The following NLRC4 variants were observed in gnomAD, a reference collection of about 807,000 sequenced individuals.
The protein encoded by NLRC4 is NLR family CARD domain-containing protein 4.
In NLRC4, 63 loss-of-function variants were observed where a neutral mutation model predicts 79.9. The observed-to-expected ratio is 0.79, with a 90% CI of 0.64 to 0.97. The LOEUF (loss-of-function observed/expected upper bound fraction) is 0.97, where lower values mean the gene tolerates loss of function less well. NLRC4 is among the 50% of genes least tolerant of loss of function. The probability of loss-of-function intolerance (pLI) is 0.00; values close to 1 mark genes in which losing one functional copy is unlikely to be tolerated. For missense variants in NLRC4, 1,074 were observed against 1,215.2 expected (o/e 0.88, Z 1.73); for synonymous variants, 461 against 456.5 (o/e 1.01, Z -0.12).
chr2:32,241,796 A>G (rs1686810719), intron 4 of NLRC4, among the ~76,000 whole-genome samples: 1 of 152,186 alleles, frequency 6.6e-6, no homozygotes, highest in African/African-American at 2.4e-5. Context: ...AAAAATAAAA[A>G]CAAAACTTCA....
intron 5 of NLRC4, among the ~76,000 whole-genome samples, chr2:32,240,200 C>T (rs1483883165): frequency 1.3e-5 from 2 of 151,976 alleles, no homozygotes; most frequent in Admixed American, 6.6e-5. Flanking sequence ...AGGCTGGTCT[C>T]GAACTCCTGA....
chr2:32,240,541 C>A (rs960469178), intron 5 of NLRC4, among the ~76,000 whole-genome samples: 2 of 151,944 alleles, frequency 1.3e-5, no homozygotes, highest in Admixed American at 1.3e-4. Context: ...CCTGAAGTTT[C>A]CTTTTCCTTT....
In NLRC4 at chr2:32,234,163, C is replaced by T. The variant is rs749088426; in HGVS notation, c.2782+1238G>A. Among the ~76,000 whole-genome samples, 8 of 152,094 alleles carry T rather than the reference C, an allele frequency of 5.3e-5. No individual in the cohort carries two copies. In the East Asian group the frequency reaches 1.4e-3, roughly 26 times the overall value. ...TTGGGAGGCCAGGGCAGGCGGATCA[C>T]GAGGTCAAGAGTTCAAGACCATTCT... On this transcript the variant is annotated intron_variant, in intron 8 of 8. Transcript: ENST00000402280.
chr2:32,253,253 A>C (rs1687125776), intron 2 of NLRC4, among the ~76,000 whole-genome samples: 2 of 151,416 alleles, frequency 1.3e-5, no homozygotes, highest in African/African-American at 4.8e-5. Context: ...GGGTTCAAGC[A>C]ATTCTCCTGC....
intron 2 of NLRC4, 132 bp downstream of exon 2, chr2:32,256,643 A>G: frequency 1.5e-6 from 1 of 675,586 alleles, no homozygotes; most frequent in Admixed American, 2.4e-5. Context: ...TCCTAAAACA[A>G]CAGAAGAATA....
At position 32,250,441 on chromosome 2, in the gene NLRC4, G is replaced by C. The variant is rs2148942272; in HGVS notation, c.1423C>G (p.Gln475Glu). ...ATGTCCGAAATGGAAACCATTTTCTGCAAGTAACCATTCCCCTTGGTCACC... is the reference window on the plus strand; with the variant it reads ...ATGTCCGAAATGGAAACCATTTTCTCCAAGTAACCATTCCCCTTGGTCACC... ...EEVTKGNGYL[Q>E]KMVSISDITS... The change falls in exon 4 of 9, where the codon CAG (glutamine) becomes GAG (glutamate). Residue 475 changes from glutamine (Q) to glutamate (E), a missense_variant. By Grantham distance (29) the Gln-to-Glu change is conservative (BLOSUM62 2). Coordinates refer to ENST00000402280, the MANE Select transcript of NLRC4 (RefSeq NM_001199138.2). The surrounding 1 kb of genome is among the most constrained non-coding windows in gnomAD (Gnocchi z 4.9). 4 of 1,614,158 alleles carry C rather than the reference G, an allele frequency of 2.5e-6. No homozygotes were observed. Among genetic ancestry groups the C allele is most frequent in the Non-Finnish European group, 3.4e-6 (4 of 1,180,032 alleles).
chr2:32,251,702 A>G (rs1396164165), intron 3 of NLRC4, 101 bp from the exon 4 acceptor site: 4 of 772,632 alleles, frequency 5.2e-6, no homozygotes, highest in Admixed American at 2.4e-5. Flanking sequence ...AGAATCTGCC[A>G]TTGGTGAATG....
intron 4 of NLRC4, among the ~76,000 whole-genome samples, chr2:32,249,065 G>A (rs1452165981): frequency 6.6e-6 from 1 of 152,144 alleles, no homozygotes; most frequent in East Asian, 1.9e-4. Flanking sequence ...TTTGTGCTCT[G>A]AAAAGAACTT....
At chr2:32,232,369 C>T (rs919666420) in intron 8 of NLRC4, among the ~76,000 whole-genome samples, 4 of 152,172 alleles carry the variant, frequency 2.6e-5, no homozygotes, top group Non-Finnish European at 5.9e-5. Context: ...AGTTTTTCCC[C>T]AGTATCCTAA....
chr2:32,234,867 T>A (rs62134030), intron 8 of NLRC4, among the ~76,000 whole-genome samples: 1,856 of 152,326 alleles, frequency 0.012, 21 homozygotes, highest in Non-Finnish European at 0.018. Flanking sequence ...GCCATTATGT[T>A]TTGAGGCCAT....
chr2:32,238,052 GACATTT>G, intron 6 of NLRC4, 74 bp downstream of exon 6: 1 of 950,966 alleles, frequency 1.1e-6, no homozygotes, highest in Non-Finnish European at 1.5e-6. Flanking sequence ...TTCCATTTGA[GACATTT>G]AGTGTGAATT....
Position 32,252,495 on chromosome 2 carries a change from A to G in NLRC4, c.186T>C (p.Gly62=), listed in dbSNP as rs748260149. Residue 62 remains glycine (G), a synonymous_variant, in exon 3 of 9, where the codon GGT becomes GGC. Coordinates refer to ENST00000402280, the MANE Select transcript of NLRC4 (RefSeq NM_001199138.2). ...RGIIHMILKK[G]SESCNLFLKS... is the part of the protein sequence containing the mutation. ...TAAGAAAGAGGTTACAGGACTCTGAACCCTTTTTCAAAATCATGTGAATGA... is the reference window on the plus strand; with the variant it reads ...TAAGAAAGAGGTTACAGGACTCTGAGCCCTTTTTCAAAATCATGTGAATGA... 66 of 1,613,346 alleles carry G rather than the reference A, an allele frequency of 4.1e-5. No homozygotes were observed. The highest frequency in any genetic ancestry group is 5.3e-5 in the Non-Finnish European group (63 of 1,179,412).
chr2:32,231,992 C>A (rs967473348), intron 8 of NLRC4, among the ~76,000 whole-genome samples: 3 of 152,086 alleles, frequency 2.0e-5, no homozygotes, highest in African/African-American at 7.2e-5. Flanking sequence ...TTTTTATTTC[C>A]TTGACAGTTT....
In NLRC4 at chr2:32,235,522, G is replaced by A; in HGVS notation, c.2661C>T (p.Pro887=). ...VLEQLTALML[P]WGCDVQGSLS... ...GGCTGCCTTGCACGTCACAGCCCCA[G>A]GGCAGCATCAGTGCGGTGAGCTGTT... Residue 887 remains proline, a synonymous_variant, in exon 8 of 9, where the codon CCC becomes CCT. Transcript: ENST00000402280. 1 of 1,614,202 alleles carries A rather than the reference G, an allele frequency of 6.2e-7. No homozygotes were observed. The highest frequency in any genetic ancestry group is 1.3e-5 in the African/African-American group (1 of 75,060).
chr2:32,235,099 G>C (rs1686641286), intron 8 of NLRC4, among the ~76,000 whole-genome samples: 1 of 152,102 alleles, frequency 6.6e-6, no homozygotes. Flanking sequence ...CCTGATATTG[G>C]AGGGAGGGGC....
chr2:32,227,922 A>T (rs1686441918), intron 8 of NLRC4, among the ~76,000 whole-genome samples: 1 of 152,144 alleles, frequency 6.6e-6, no homozygotes, highest in African/African-American at 2.4e-5. Flanking sequence ...GAAAAATCTC[A>T]GATGCCCTGG....
At chr2:32,255,571 C>CCA (rs1290489788) in intron 2 of NLRC4, among the ~76,000 whole-genome samples, 1 of 151,130 alleles carries the variant, frequency 6.6e-6, no homozygotes, top group South Asian at 2.1e-4. Flanking sequence ...GCTTAGAGAC[C>CCA]CACACACACA....
chr2:32,240,213 T>G (rs1005699189), intron 5 of NLRC4, among the ~76,000 whole-genome samples: 1 of 152,128 alleles, frequency 6.6e-6, no homozygotes, highest in African/African-American at 2.4e-5. Flanking sequence ...ACTCCTGAAC[T>G]CAGGTGATCC....
At position 32,235,534 on chromosome 2, in the gene NLRC4, T is replaced by C. The variant is rs752785896; in HGVS notation, c.2649A>G (p.Ala883=). 124 of 1,614,066 alleles carry C rather than the reference T, an allele frequency of 7.7e-5. 1 individual carries two copies. In the East Asian group the frequency reaches 2.7e-3, roughly 35 times the overall value. Reference sequence around the variant, plus strand: ...CGTCACAGCCCCAGGGCAGCATCAGTGCGGTGAGCTGTTCTAGCACGTTCA... The same window carrying C: ...CGTCACAGCCCCAGGGCAGCATCAGCGCGGTGAGCTGTTCTAGCACGTTCA... ...DRMNVLEQLT[A]LMLPWGCDVQ... The change falls in exon 8 of 9, where the codon GCA becomes GCG. Residue 883 remains alanine, a synonymous_variant. Transcript: ENST00000402280.
Sources: gnomAD v4.1 joint callset for allele counts (sites outside exome capture counted in the v4.1 genomes callset) on GRCh38, gnomAD v4.1.1 for gene constraint, Gnocchi (gnomAD v3.1) non-coding constraint, MANE v1.5 for transcripts, NCBI Gene and HGNC (gene_info 2026-07-23, HGNC 2026-07-21) for gene names.